Variants in CACNA2D3 observed in about 807,000 individuals in gnomAD.
The protein encoded by CACNA2D3 is voltage-dependent calcium channel subunit alpha-2/delta-3.
A neutral mutation model predicts 160.6 loss-of-function variants in CACNA2D3; 60 were observed. The observed-to-expected ratio is 0.37, with a 90% confidence interval of 0.30 to 0.46. The LOEUF (loss-of-function observed/expected upper bound fraction) is 0.46, where lower values mean the gene tolerates loss of function less well. Ranked by LOEUF, CACNA2D3 falls within the 20% of genes least tolerant of loss-of-function variation. The probability of loss-of-function intolerance (pLI) is 1.00; values close to 1 mark genes in which losing one functional copy is unlikely to be tolerated. For synonymous variants in CACNA2D3, 558 were observed against 492.9 expected (o/e 1.13, Z -1.75); for missense variants, 1,205 against 1,365.0 (o/e 0.88, Z 1.85).
intron 2 of CACNA2D3, among the ~76,000 whole-genome samples, chr3:54,206,021 C>A (rs1406909762): frequency 6.6e-6 from 1 of 152,084 alleles, no homozygotes; most frequent in African/African-American, 2.4e-5. Context: ...GTTGCTTAAT[C>A]GATTTGGCAA....
At position 54,796,075 on chromosome 3, in the gene CACNA2D3, G is replaced by T. The variant is rs149851669; in HGVS notation, c.1381-20778G>T. 7.8e-3 allele frequency among the ~76,000 whole-genome samples: 1,187 copies of T among 152,288 alleles called. 10 individuals are homozygous for T. Among genetic ancestry groups the T allele is most frequent in the South Asian group, 0.035 (167 of 4,824 alleles). ...TAAGCCTGAAGTGGTATGGTAGTCA[G>T]TGTGTCAGCAGGCTTGAGTGGAGAA... On this transcript the variant is annotated intron_variant, in intron 13 of 37. Transcript: ENST00000474759.
intron 4 of CACNA2D3, among the ~76,000 whole-genome samples, chr3:54,419,374 T>C (rs1699804726): frequency 6.6e-6 from 1 of 152,224 alleles, no homozygotes; most frequent in Non-Finnish European, 1.5e-5. Context: ...TTTTGGGCGC[T>C]AGGCCAGCTG....
intron 2 of CACNA2D3, among the ~76,000 whole-genome samples, chr3:54,133,815 T>C (rs183995339): frequency 1.1e-3 from 167 of 152,262 alleles, no homozygotes; most frequent in African/African-American, 3.8e-3. Context: ...ATTAAGGTAA[T>C]GGATGATGGT....
intron 30 of CACNA2D3, among the ~76,000 whole-genome samples, chr3:54,987,253 TA>T: frequency 6.6e-6 from 1 of 152,342 alleles, no homozygotes; most frequent in East Asian, 1.9e-4. Flanking sequence ...TGTATTTCCC[TA>T]AACAGGTCGT....
chr3:54,722,306 G>A (rs766615769), intron 11 of CACNA2D3, among the ~76,000 whole-genome samples: 11 of 151,804 alleles, frequency 7.2e-5, no homozygotes, highest in Admixed American at 2.0e-4. Context: ...TAAGCGATTC[G>A]TCTAACCTTT....
chr3:54,899,379 T>G (rs1439673607), intron 26 of CACNA2D3, among the ~76,000 whole-genome samples: 1 of 152,190 alleles, frequency 6.6e-6, no homozygotes, highest in African/African-American at 2.4e-5. Flanking sequence ...GTTGCCAACT[T>G]GTAAAATAAT....
chr3:54,498,254 A>G (rs1051800059), intron 4 of CACNA2D3, among the ~76,000 whole-genome samples: 3 of 151,902 alleles, frequency 2.0e-5, no homozygotes, highest in African/African-American at 7.2e-5. Flanking sequence ...AGTGAAATCA[A>G]TATCTTTTGT....
At chr3:54,422,151 C>A (rs1425567126) in intron 4 of CACNA2D3, among the ~76,000 whole-genome samples, 1 of 152,200 alleles carries the variant, frequency 6.6e-6, no homozygotes, top group African/African-American at 2.4e-5. Context: ...GTTAATTGAA[C>A]CTGGTAACGA....
chr3:54,125,231 C>G (rs1026475028), intron 2 of CACNA2D3, among the ~76,000 whole-genome samples: 1 of 127,746 alleles, frequency 7.8e-6, no homozygotes, highest in African/African-American at 3.1e-5. Context: ...TTTTTTCTTT[C>G]TCTTTGAAGT....
rs1485187922 is a variant in CACNA2D3 at position 54,811,491 on chromosome 3, T to A, written c.1381-5362T>A. On this transcript the variant is annotated intron_variant, in intron 13 of 37. Transcript: ENST00000474759. ...TTTTTTTTTTTTTTTTTTTTTTTTT[T>A]TTTTTTTTTTTTTTTTTTTTTTTTG... Among the ~76,000 whole-genome samples, 76 of 124,330 alleles carry A rather than the reference T, an allele frequency of 6.1e-4. 5 individuals are homozygous for A. The highest frequency in any genetic ancestry group is 1.2e-3 in the South Asian group (4 of 3,352). The allele number at this position is 124,330 out of a possible 152,430, so 81.6% of individuals were successfully genotyped here.
chr3:54,597,732 C>G (rs977724696), intron 9 of CACNA2D3, among the ~76,000 whole-genome samples: 1 of 152,032 alleles, frequency 6.6e-6, no homozygotes, highest in Non-Finnish European at 1.5e-5. Context: ...CCCTAGATCC[C>G]GAGTTGTCTA....
intron 14 of CACNA2D3, among the ~76,000 whole-genome samples, chr3:54,836,407 TG>T (rs1698688976): frequency 6.6e-6 from 1 of 151,830 alleles, no homozygotes; most frequent in Admixed American, 6.6e-5. Flanking sequence ...GCTAATTTTT[TG>T]TATTTTTAGT....
intron 13 of CACNA2D3, among the ~76,000 whole-genome samples, chr3:54,799,433 A>G (rs563102121): frequency 3.4e-4 from 51 of 152,172 alleles, no homozygotes; most frequent in Admixed American, 5.2e-4. Context: ...AACAAAGTGT[A>G]TGTGTTGGGG....
chr3:54,793,949 T>C (rs1426158977), intron 13 of CACNA2D3, among the ~76,000 whole-genome samples: 1 of 152,126 alleles, frequency 6.6e-6, no homozygotes, highest in Admixed American at 6.5e-5. Flanking sequence ...TATCAATTTT[T>C]CTCATTTGTG....
intron 11 of CACNA2D3, among the ~76,000 whole-genome samples, chr3:54,716,259 T>C (rs971464298): frequency 6.6e-6 from 1 of 152,014 alleles, no homozygotes; most frequent in Non-Finnish European, 1.5e-5. Flanking sequence ...TCTCAAACAG[T>C]TGGGAGGTTT....
intron 17 of CACNA2D3, among the ~76,000 whole-genome samples, chr3:54,871,275 A>G (rs45486394): frequency 0.097 from 14,736 of 152,042 alleles, 950 homozygotes; most frequent in Non-Finnish European, 0.14. Context: ...TGTTTTGGAA[A>G]CCAAGAAGTC....
intron 2 of CACNA2D3, among the ~76,000 whole-genome samples, chr3:54,298,565 G>A (rs1474011789): frequency 1.3e-5 from 2 of 152,172 alleles, no homozygotes; most frequent in East Asian, 3.9e-4. Context: ...TTGGGAGGCC[G>A]AAGTGGGTGG....
At chr3:54,540,212 T>G (rs1044804095) in intron 5 of CACNA2D3, among the ~76,000 whole-genome samples, 1 of 152,190 alleles carries the variant, frequency 6.6e-6, no homozygotes, top group Admixed American at 6.5e-5. Context: ...AATGATTTCC[T>G]GCAAGAACTT....
chr3:54,955,058 A>G (rs1205008907), intron 27 of CACNA2D3, among the ~76,000 whole-genome samples: 3 of 152,206 alleles, frequency 2.0e-5, no homozygotes, highest in Admixed American at 6.5e-5. Context: ...ATCAACTGAC[A>G]AAAGACCGAT....
Sources: gnomAD v4.1 joint callset for allele counts (sites outside exome capture counted in the v4.1 genomes callset) on GRCh38, gnomAD v4.1.1 for gene constraint, MANE v1.5 for transcripts, NCBI Gene and HGNC (gene_info 2026-07-23, HGNC 2026-07-21) for gene names.